The following DNAH7 variants were observed in gnomAD, a reference collection of about 807,000 sequenced individuals.
DNAH7 encodes the protein dynein axonemal heavy chain 7.
DNAH7 carries 397 observed loss-of-function variants against 444.6 expected under a neutral mutation model. That is an observed-to-expected ratio of 0.89 (90% CI 0.82 to 0.97). The LOEUF (loss-of-function observed/expected upper bound fraction) is 0.97. Among genes scored for constraint, DNAH7 ranks in the 50% least tolerant of loss-of-function variants. The pLI, the probability that DNAH7 is intolerant of heterozygous loss-of-function variation, is 0.00. For synonymous variants in DNAH7, 1,636 were observed against 1,624.4 expected (o/e 1.01, Z -0.17); for missense variants, 4,902 against 4,800.8 (o/e 1.02, Z -0.62).
chr2:195,757,354 G>C (rs1275464517), intron 61 of DNAH7, among the ~76,000 whole-genome samples: 1 of 152,280 alleles, frequency 6.6e-6, no homozygotes, highest in East Asian at 1.9e-4. Context: ...AAGTCTAGTT[G>C]ACCATTTCCC....
chr2:195,989,671 G>A (rs1693167149), intron 12 of DNAH7, among the ~76,000 whole-genome samples: 1 of 152,178 alleles, frequency 6.6e-6, no homozygotes, highest in East Asian at 1.9e-4. Flanking sequence ...GGCCTGGTGG[G>A]AGGTGTCTGG....
chr2:195,740,276 C>G (rs575157918), intron 64 of DNAH7, among the ~76,000 whole-genome samples: 1 of 152,226 alleles, frequency 6.6e-6, no homozygotes, highest in South Asian at 2.1e-4. Flanking sequence ...TGAGCCACTG[C>G]GCCCAGCCAG....
intron 58 of DNAH7, among the ~76,000 whole-genome samples, chr2:195,782,769 G>T (rs1695449714): frequency 1.3e-5 from 2 of 152,092 alleles, no homozygotes; most frequent in Non-Finnish European, 2.9e-5. Context: ...TACTCAGCTT[G>T]CTCGCTCCTG....
chr2:195,791,833 A>G (rs925284333), intron 57 of DNAH7, among the ~76,000 whole-genome samples: 1 of 152,216 alleles, frequency 6.6e-6, no homozygotes. Flanking sequence ...CTTCTCACTT[A>G]TAAGTGGGAG....
At chr2:196,036,139 C>T (rs1447308021) in intron 5 of DNAH7, among the ~76,000 whole-genome samples, 1 of 151,506 alleles carries the variant, frequency 6.6e-6, no homozygotes, top group Non-Finnish European at 1.5e-5. Context: ...TCAAGCGATT[C>T]CCCTGCCTCA....
At chr2:195,960,175 GA>G (rs1332980674) in intron 18 of DNAH7, 84 bp downstream of exon 18, 2 of 1,135,654 alleles carry the variant, frequency 1.8e-6, no homozygotes, top group African/African-American at 3.1e-5. Context: ...TATTATGTGT[GA>G]AATAATTCTC....
intron 21 of DNAH7, among the ~76,000 whole-genome samples, chr2:195,933,682 AG>A (rs1279312147): frequency 7.1e-6 from 1 of 140,986 alleles, no homozygotes; most frequent in Non-Finnish European, 1.5e-5. Context: ...TCTCACTCAT[AG>A]GTGGGAATTG....
intron 55 of DNAH7, 61 bp from the exon 56 acceptor site, chr2:195,796,798 T>C (rs1696163494): frequency 6.5e-7 from 1 of 1,527,312 alleles, no homozygotes; most frequent in South Asian, 1.3e-5. Context: ...ATCAATATTG[T>C]TTTTTTAAAA....
chr2:195,754,978 C>G (rs772498053), intron 62 of DNAH7, among the ~76,000 whole-genome samples: 1 of 152,166 alleles, frequency 6.6e-6, no homozygotes, highest in Non-Finnish European at 1.5e-5. Context: ...CAATTTCATA[C>G]CTATCATATC....
At chr2:196,061,231 C>T (rs993851591) in intron 1 of DNAH7, among the ~76,000 whole-genome samples, 1 of 152,094 alleles carries the variant, frequency 6.6e-6, no homozygotes, top group African/African-American at 2.4e-5. Context: ...GTGTGACAGA[C>T]ATCCCTCAAT....
intron 47 of DNAH7, among the ~76,000 whole-genome samples, chr2:195,844,369 G>C (rs970493910): frequency 1.3e-5 from 2 of 152,114 alleles, no homozygotes; most frequent in Non-Finnish European, 2.9e-5. Flanking sequence ...AAAGGCTCAC[G>C]GTAATGTGAA....
intron 19 of DNAH7, among the ~76,000 whole-genome samples, chr2:195,954,298 A>G (rs984683222): frequency 6.6e-6 from 1 of 152,038 alleles, no homozygotes; most frequent in Non-Finnish European, 1.5e-5. Flanking sequence ...TGTCCTTGCA[A>G]TAGTTTGCTG....
chr2:195,906,919 T>C lies in DNAH7; in HGVS notation c.4195A>G (p.Thr1399Ala), dbSNP rs558041346. Residue 1399 changes from threonine to alanine, a missense_variant, in exon 26 of 65, where the codon ACT (threonine) becomes GCT (alanine). Transcript: ENST00000312428. ...VLSVVAQQIL[T>A]IQRGINAGAD... ...ACTAGTCCATTACCTCTTTGGATAGTAAGGATTTGTTGAGCAACCACAGAG... is the reference window on the plus strand; with the variant it reads ...ACTAGTCCATTACCTCTTTGGATAGCAAGGATTTGTTGAGCAACCACAGAG... 8 of 1,612,938 alleles carry C rather than the reference T, an allele frequency of 5.0e-6. No individual in the cohort carries two copies. Among genetic ancestry groups the C allele is most frequent in the Non-Finnish European group, 4.2e-6 (5 of 1,179,378 alleles).
intron 31 of DNAH7, among the ~76,000 whole-genome samples, chr2:195,890,830 T>G (rs1022173717): frequency 6.6e-6 from 1 of 152,218 alleles, no homozygotes; most frequent in African/African-American, 2.4e-5. Flanking sequence ...CATGCTCTGC[T>G]AGGTCCTTAA....
intron 19 of DNAH7, among the ~76,000 whole-genome samples, chr2:195,937,195 ATTG>A (rs1304815496): frequency 6.6e-6 from 1 of 152,208 alleles, no homozygotes; most frequent in Non-Finnish European, 1.5e-5. Flanking sequence ...TTTGAATTTT[ATTG>A]TTATGAATAA....
chr2:195,827,769 G>A (rs759854687), intron 48 of DNAH7, among the ~76,000 whole-genome samples: 2 of 151,426 alleles, frequency 1.3e-5, no homozygotes, highest in African/African-American at 4.9e-5. Context: ...CAGAGATGGG[G>A]TCTTGCTACA....
chr2:195,853,929 C>A (rs1450437699), intron 45 of DNAH7, among the ~76,000 whole-genome samples: 1 of 151,922 alleles, frequency 6.6e-6, no homozygotes, highest in Non-Finnish European at 1.5e-5. Flanking sequence ...ATATCATGGC[C>A]TTAAAGGTTA....
intron 47 of DNAH7, among the ~76,000 whole-genome samples, chr2:195,842,590 T>C (rs962801561): frequency 6.6e-6 from 1 of 152,082 alleles, no homozygotes; most frequent in Non-Finnish European, 1.5e-5. Flanking sequence ...AGAATGAAAA[T>C]TGTTAATATT....
At chr2:195,995,376 A>C (rs536594963) in intron 12 of DNAH7, 1 of 516,882 alleles carries the variant, frequency 1.9e-6, no homozygotes, top group South Asian at 1.4e-5. Context: ...CTTCTTGGTG[A>C]GCACACCAAG....
Sources: allele counts gnomAD v4.1 joint callset (sites outside exome capture counted in the v4.1 genomes callset), GRCh38; gene constraint gnomAD v4.1.1; transcripts MANE v1.5; gene names NCBI Gene and HGNC (gene_info 2026-07-23, HGNC 2026-07-21).